Variants in ATP13A2 observed in about 807,000 individuals in gnomAD.
The protein encoded by ATP13A2 is polyamine-transporting ATPase 13A2.
Under a neutral mutation model 138.3 loss-of-function variants are expected in ATP13A2, and 83 were observed. The observed-to-expected ratio is 0.60, with a 90% CI of 0.50 to 0.72. The LOEUF (loss-of-function observed/expected upper bound fraction) is 0.72. ATP13A2 is among the 30% of genes least tolerant of loss of function. ATP13A2 has a pLI of 0.00. For missense variants in ATP13A2, 1,402 were observed against 1,606.4 expected, an observed-to-expected ratio of 0.87 and a Z score of 2.17; for synonymous variants, 663 against 699.0, an observed-to-expected ratio of 0.95 and a Z score of 0.81.
chr1:17,000,336 C>T (rs373745686), intron 9 of ATP13A2, 24 bp from the exon 10 acceptor site: 25 of 1,583,770 alleles, frequency 1.6e-5, no homozygotes, highest in Non-Finnish European at 1.9e-5. Flanking sequence ...ACAAGAGGGC[C>T]GTGAGTGGGT....
chr1:16,992,204 A>C (rs1227865123), intron 18 of ATP13A2, 39 bp downstream of exon 18: 5 of 1,611,532 alleles, frequency 3.1e-6, no homozygotes, highest in Non-Finnish European at 4.2e-6. Flanking sequence ...ATTCTGTGCC[A>C]ATGCCCAACC....
In ATP13A2 at chr1:16,992,339, T is replaced by C; in HGVS notation, c.1909A>G (p.Met637Val). ...CCTGGCCACGCCACCACCACACTCA[T>C]GCGCTGCAGAGCCGAAGAGAAGGGG... ...RFPFSSALQR[M>V]SVVVAWPGAT... The change falls in exon 18 of 29, where the codon ATG becomes GTG. Residue 637 changes from methionine (M) to valine (V), a missense_variant. Transcript: ENST00000326735. 1 of 1,612,972 alleles carries C rather than the reference T, an allele frequency of 6.2e-7. No homozygotes were observed. The highest frequency in any genetic ancestry group is 8.5e-7 in the Non-Finnish European group (1 of 1,179,790).
intron 1 of ATP13A2, among the ~76,000 whole-genome samples, chr1:17,006,157 A>G (rs1031734258): frequency 2.0e-5 from 3 of 151,620 alleles, no homozygotes; most frequent in Non-Finnish European, 4.4e-5. Flanking sequence ...AAAACAAAAC[A>G]CAAAACAGTA....
Position 16,996,188 on chromosome 1 carries a change from G to C in ATP13A2, c.1354-24C>G, listed in dbSNP as rs146588989. 2.5e-6 allele frequency: 4 copies of C among 1,614,066 alleles called. No individual in the cohort carries two copies. The East Asian group carries it at 6.7e-5, about 27-fold the overall frequency. On this transcript the variant is annotated intron_variant, in intron 14 of 28. Coordinates refer to ENST00000326735, the MANE Select transcript of ATP13A2 (RefSeq NM_022089.4). ...ACCTGGCAGGGGGCACCATGAATGT[G>C]AGCACCTGGCTGGTTGGCCCCTGGG...
intron 21 of ATP13A2, 39 bp downstream of exon 21, chr1:16,990,088 A>T: frequency 1.1e-5 from 18 of 1,614,030 alleles, no homozygotes; most frequent in Non-Finnish European, 1.5e-5. Flanking sequence ...GGGTGGGGTC[A>T]CTGGGTGAGG....
In ATP13A2 at chr1:16,995,441, G is replaced by A. The variant is rs1045641984; in HGVS notation, c.1542+535C>T. On this transcript the variant is annotated intron_variant, in intron 15 of 28. Coordinates refer to ENST00000326735, the MANE Select transcript of ATP13A2 (RefSeq NM_022089.4). This position sits in a 1 kb window ranked among gnomAD's most constrained non-coding sequence, Gnocchi z 4.1. Reference sequence around the variant, plus strand: ...CCAAGGGTTGGGAGCAGCACGGGATGCACACTAGGGCCCCAGGTCCCCACC... The same window carrying A: ...CCAAGGGTTGGGAGCAGCACGGGATACACACTAGGGCCCCAGGTCCCCACC... 2.3e-5 allele frequency: 6 copies of A among 259,868 alleles called. No individual in the cohort carries two copies. The highest frequency in any genetic ancestry group is 4.3e-5 in the South Asian group (1 of 23,466). The allele number at this position is 259,868 out of a possible 1,614,324, so 16.1% of individuals were successfully genotyped here. A position where few individuals can be genotyped will look rare whatever the true frequency, so the allele number is the denominator to read the frequency against.
chr1:16,995,607 C>A lies in ATP13A2; in HGVS notation c.1542+369G>T. On this transcript the variant is annotated intron_variant, in intron 15 of 28. Transcript: ENST00000326735. This position sits in a 1 kb window ranked among gnomAD's most constrained non-coding sequence, Gnocchi z 4.1. ...GGATTACAAGCATGTGCCATCATGC[C>A]TGGCTAACTTTTGTATTTTTAGTAG... 2.8e-6 allele frequency: 1 copy of A among 358,964 alleles called. No homozygotes were observed. The highest frequency in any genetic ancestry group is 5.5e-6 in the Non-Finnish European group (1 of 183,090). The allele number at this position is 358,964 out of a possible 1,614,324, so 22.2% of individuals were successfully genotyped here. A position where few individuals can be genotyped will look rare whatever the true frequency, so the allele number is the denominator to read the frequency against.
chr1:17,001,235 T>C (rs1051977581), intron 8 of ATP13A2, among the ~76,000 whole-genome samples: 4 of 137,270 alleles, frequency 2.9e-5, no homozygotes, highest in Admixed American at 1.5e-4. Context: ...CTAGCCAACA[T>C]AGTGAATCCC....
chr1:16,990,518 C>T (rs2076893073), intron 20 of ATP13A2, among the ~76,000 whole-genome samples: 1 of 151,964 alleles, frequency 6.6e-6, no homozygotes, highest in Admixed American at 6.6e-5. Context: ...ACATATACTC[C>T]TTTTTTTTCT....
chr1:16,992,729 C>G (rs2076981066), intron 16 of ATP13A2, 148 bp from the exon 17 acceptor site: 1 of 770,958 alleles, frequency 1.3e-6, no homozygotes, highest in Admixed American at 2.5e-5. Flanking sequence ...AATTCAAACT[C>G]TAGCTTTGCT....
chr1:17,011,357 AC>A lies in ATP13A2; in HGVS notation c.10+371del, dbSNP rs993363390. Among the ~76,000 whole-genome samples, 32 of 152,052 alleles carry A rather than the reference AC, an allele frequency of 2.1e-4. No homozygotes were observed. The highest frequency in any genetic ancestry group is 3.4e-3 in the Middle Eastern group (1 of 294). ...GCCCGAGGATGCAGCCGTCTCCCCC[AC>A]CTGGACATCCGTCACTCGGGGTGGG... On this transcript the variant is annotated intron_variant, in intron 1 of 28. Transcript: ENST00000326735. This position sits in a 1 kb window ranked among gnomAD's most constrained non-coding sequence, Gnocchi z 7.3.
At chr1:17,006,870 G>A (rs987145105) in intron 1 of ATP13A2, among the ~76,000 whole-genome samples, 7 of 152,212 alleles carry the variant, frequency 4.6e-5, no homozygotes, top group Non-Finnish European at 1.0e-4. Context: ...CTTGGGGAAT[G>A]GTATCAGGTG....
chr1:16,986,655 G>C lies in ATP13A2; in HGVS notation c.3236-23C>G. 1.3e-6 allele frequency: 2 copies of C among 1,597,110 alleles called. No homozygotes were observed. The highest frequency in any genetic ancestry group is 1.7e-6 in the Non-Finnish European group (2 of 1,174,918). On this transcript the variant is annotated intron_variant, in intron 27 of 28. Coordinates refer to ENST00000326735, the MANE Select transcript of ATP13A2 (RefSeq NM_022089.4). This position sits in a 1 kb window ranked among gnomAD's most constrained non-coding sequence, Gnocchi z 6.9. ...GCACTGGGAGCAGGAGAGTCTCTCA[G>C]GCAGGAGCCACGCCCCCCCGGCACC...
rs1381631438 is a variant in ATP13A2, at chr1:17,000,382, C to T, written c.840+18G>A. ...GGGGACCCACCTGTCCCGTCCCCAC[C>T]CACCTTATGGCACTCACCTTTCTGG... is the stretch of plus-strand genomic sequence containing the variant. On this transcript the variant is annotated intron_variant, in intron 9 of 28. Coordinates refer to ENST00000326735, the MANE Select transcript of ATP13A2 (RefSeq NM_022089.4). 1.9e-6 allele frequency: 3 copies of T among 1,607,142 alleles called. No homozygotes were observed. The highest frequency in any genetic ancestry group is 2.7e-5 in the African/African-American group (2 of 74,748).
At chr1:16,997,300 A>G (rs1201173974) in intron 11 of ATP13A2, 125 bp from the exon 12 acceptor site, 6 of 1,152,718 alleles carry the variant, frequency 5.2e-6, no homozygotes, top group Admixed American at 2.0e-5. Flanking sequence ...GGTGTGAACA[A>G]GAAATCACAG....
In ATP13A2 at chr1:16,990,254, C is replaced by T. The variant is rs766899425; in HGVS notation, c.2285G>A (p.Arg762Gln). The T allele has an allele frequency of 5.0e-5, 81 of 1,613,908 alleles. No homozygotes were observed. The highest frequency in any genetic ancestry group is 4.2e-5 in the Non-Finnish European group (49 of 1,180,040). The change falls in exon 21 of 29, where the codon CGG becomes CAG. Residue 762 changes from arginine (R) to glutamine (Q), a missense_variant. Coordinates refer to ENST00000326735, the MANE Select transcript of ATP13A2 (RefSeq NM_022089.4). ...DNLQTAVTVA[R>Q]GCGMVAPQEH... ...CTGGGGGGCCACCATGCCACAGCCC[C>T]GGGCCACAGTCACCGCTGTCTGCAG...
At position 17,004,885 on chromosome 1, in the gene ATP13A2, A is replaced by T; in HGVS notation, c.348-64T>A. The T allele has an allele frequency of 6.2e-7, 1 of 1,613,320 alleles. No homozygotes were observed. Among genetic ancestry groups the T allele is most frequent in the South Asian group, 1.1e-5 (1 of 91,062 alleles). Reference sequence around the variant, plus strand: ...GCTGCCCTGGCACCTCCCTGTGCTCACAGAGCCATCTTCCCTCCCTAGGAT... The same window carrying T: ...GCTGCCCTGGCACCTCCCTGTGCTCTCAGAGCCATCTTCCCTCCCTAGGAT... On this transcript the variant is annotated intron_variant, in intron 4 of 28. Coordinates refer to ENST00000326735, the MANE Select transcript of ATP13A2 (RefSeq NM_022089.4). This position sits in a 1 kb window ranked among gnomAD's most constrained non-coding sequence, Gnocchi z 4.1.
Position 16,992,544 on chromosome 1 carries a change from C to G in ATP13A2, c.1787G>C (p.Gly596Ala), listed in dbSNP as rs975811918. The G allele has an allele frequency of 6.2e-7, 1 of 1,614,102 alleles. No individual in the cohort carries two copies. Among genetic ancestry groups the G allele is most frequent in the African/African-American group, 1.3e-5 (1 of 74,946 alleles). Residue 596 changes from glycine (G) to alanine (A), a missense_variant, in exon 17 of 29, where the codon GGG becomes GCG. Coordinates refer to ENST00000326735, the MANE Select transcript of ATP13A2 (RefSeq NM_022089.4). ...TCTCATCACTGCCAAGACCTGGGTC[C>G]CAAATGCTGAGTCTGCAGCCGGCTC... ...EEEPAADSAF[G>A]TQVLAVMRPP...
Position 17,002,346 on chromosome 1 carries a change from G to A in ATP13A2, c.585C>T (p.Asp195=), listed in dbSNP as rs765706877. The change falls in exon 7 of 29, where the codon GAC becomes GAT. Residue 195 remains aspartate (D), a synonymous_variant. Coordinates refer to ENST00000326735, the MANE Select transcript of ATP13A2 (RefSeq NM_022089.4). ...GGCCATGGCGGGAGCGGTGGACGTCGTCACAAGAGCGGCCATGGTCCAGGA... is the reference window on the plus strand; with the variant it reads ...GGCCATGGCGGGAGCGGTGGACGTCATCACAAGAGCGGCCATGGTCCAGGA... ...VSLLDHGRSC[D]DVHRSRHGLS... is the part of the protein sequence containing the mutation. 6.2e-6 allele frequency: 10 copies of A among 1,613,106 alleles called. No individual in the cohort carries two copies. Among genetic ancestry groups the A allele is most frequent in the Admixed American group, 3.3e-5 (2 of 59,910 alleles).
Sources: gnomAD v4.1 joint callset for allele counts (sites outside exome capture counted in the v4.1 genomes callset) on GRCh38, gnomAD v4.1.1 for gene constraint, Gnocchi (gnomAD v3.1) non-coding constraint, MANE v1.5 for transcripts, NCBI Gene and HGNC (gene_info 2026-07-23, HGNC 2026-07-21) for gene names.